SPOCK1: variants seen among roughly 807,000 people sequenced by gnomAD.
SPOCK1 encodes SPARC (osteonectin), cwcv and kazal like domains proteoglycan 1.
Under a neutral mutation model 55.3 loss-of-function variants are expected in SPOCK1, and 23 were observed. The observed-to-expected ratio is 0.42, with a 90% CI of 0.30 to 0.59. The LOEUF (loss-of-function observed/expected upper bound fraction) is 0.59. Ranked by LOEUF, SPOCK1 falls within the 20% of genes least tolerant of loss-of-function variation. SPOCK1 has a pLI of 0.22. For missense variants in SPOCK1, 499 were observed against 552.5 expected (o/e 0.90, Z 0.97); for synonymous variants, 226 against 221.0 (o/e 1.02, Z -0.20).
chr5:137,463,476 T>G (rs996558635), intron 2 of SPOCK1, among the ~76,000 whole-genome samples: 3 of 127,318 alleles, frequency 2.4e-5, no homozygotes, highest in Admixed American at 1.1e-4. Context: ...ACCATTGAAC[T>G]AATGGAGATA....
intron 4 of SPOCK1, among the ~76,000 whole-genome samples, chr5:137,131,248 GAAAGTGATTAAAGAAAAATTA>G (rs1379232217): frequency 1.3e-5 from 2 of 152,212 alleles, no homozygotes; most frequent in African/African-American, 2.4e-5. Context: ...AAAGGAAAAG[GAAAGTGATTAAAGAAAAATTA>G]AAATGAAGTA....
At chr5:137,371,248 C>A (rs1320976470) in intron 2 of SPOCK1, among the ~76,000 whole-genome samples, 3 of 152,234 alleles carry the variant, frequency 2.0e-5, no homozygotes, top group Non-Finnish European at 2.9e-5. Context: ...CACGTCCTGG[C>A]TGCAAGATGT....
intron 2 of SPOCK1, among the ~76,000 whole-genome samples, chr5:137,362,405 C>T (rs1385158828): frequency 1.3e-5 from 2 of 151,074 alleles, no homozygotes; most frequent in African/African-American, 2.4e-5. Context: ...TCTCCACTCA[C>T]GGCAAGCTCC....
intron 3 of SPOCK1, among the ~76,000 whole-genome samples, chr5:137,209,109 AC>A (rs1478103757): frequency 6.6e-6 from 1 of 152,216 alleles, no homozygotes; most frequent in African/African-American, 2.4e-5. Flanking sequence ...AACACACTCA[AC>A]AAATGTTATT....
chr5:137,285,810 A>G (rs1757253134), intron 2 of SPOCK1, among the ~76,000 whole-genome samples: 1 of 152,184 alleles, frequency 6.6e-6, no homozygotes, highest in South Asian at 2.1e-4. Context: ...AGAGGGGAGA[A>G]TACCACATGT....
intron 3 of SPOCK1, among the ~76,000 whole-genome samples, chr5:137,239,671 G>A (rs1756246378): frequency 6.6e-6 from 1 of 151,166 alleles, no homozygotes; most frequent in African/African-American, 2.4e-5. Context: ...TGCTTGGTGT[G>A]GAAAAAAAAA....
chr5:137,258,924 C>T (rs1046048891), intron 3 of SPOCK1, among the ~76,000 whole-genome samples: 2 of 152,104 alleles, frequency 1.3e-5, no homozygotes, highest in African/African-American at 4.8e-5. Flanking sequence ...CCTGAGAGCC[C>T]TTTGTGAAGT....
At chr5:137,221,250 A>G (rs1489721061) in intron 3 of SPOCK1, among the ~76,000 whole-genome samples, 1 of 152,196 alleles carries the variant, frequency 6.6e-6, no homozygotes, top group Non-Finnish European at 1.5e-5. Context: ...AAGGTAAATG[A>G]CCAATGAGTT....
At chr5:137,078,304 G>A (rs971398711) in intron 5 of SPOCK1, among the ~76,000 whole-genome samples, 1 of 152,180 alleles carries the variant, frequency 6.6e-6, no homozygotes, top group Non-Finnish European at 1.5e-5. Context: ...AAATGCCCTC[G>A]AGATGCCTGT....
chr5:137,160,571 TTATATAATA>T (rs1199436942), intron 3 of SPOCK1, among the ~76,000 whole-genome samples: 11 of 53,872 alleles, frequency 2.0e-4, no homozygotes, highest in Admixed American at 1.2e-3. Context: ...ATATTATATA[TTATATAATA>T]TATATAATAT....
At chr5:136,981,853 G>A (rs1481287998) in intron 9 of SPOCK1, among the ~76,000 whole-genome samples, 2 of 152,142 alleles carry the variant, frequency 1.3e-5, no homozygotes, top group Admixed American at 6.5e-5. Context: ...GCTATAATTC[G>A]CCCTTACAGT....
chr5:137,347,365 G>A (rs758005581), intron 2 of SPOCK1, among the ~76,000 whole-genome samples: 7 of 152,090 alleles, frequency 4.6e-5, no homozygotes, highest in Non-Finnish European at 7.3e-5. Context: ...ACACTGCCTG[G>A]AATGTGAGAT....
intron 6 of SPOCK1, among the ~76,000 whole-genome samples, chr5:137,053,237 C>T (rs1437084294): frequency 1.3e-5 from 2 of 152,128 alleles, no homozygotes; most frequent in South Asian, 2.1e-4. Flanking sequence ...AACCAAGGTG[C>T]ACAGGGCGCC....
At chr5:137,094,848 C>T (rs967109471) in intron 5 of SPOCK1, among the ~76,000 whole-genome samples, 1 of 152,236 alleles carries the variant, frequency 6.6e-6, no homozygotes, top group Non-Finnish European at 1.5e-5. Context: ...CTTGGCTTGG[C>T]ACAAGAGGCC....
At chr5:137,370,199 C>T (rs1751169074) in intron 2 of SPOCK1, among the ~76,000 whole-genome samples, 1 of 152,112 alleles carries the variant, frequency 6.6e-6, no homozygotes, top group African/African-American at 2.4e-5. Flanking sequence ...CTCTGCCGAG[C>T]CAGAGCATGA....
At chr5:137,379,401 C>T (rs1751407586) in intron 2 of SPOCK1, among the ~76,000 whole-genome samples, 3 of 151,906 alleles carry the variant, frequency 2.0e-5, no homozygotes, top group Admixed American at 1.3e-4. Context: ...TTTATTTTTA[C>T]CGAAAAGAAA....
At chr5:137,459,003 T>C (rs1316833447) in intron 2 of SPOCK1, among the ~76,000 whole-genome samples, 1 of 152,144 alleles carries the variant, frequency 6.6e-6, no homozygotes, top group Non-Finnish European at 1.5e-5. Context: ...TATCTTACCA[T>C]TTCCCAGTGA....
At chr5:136,989,859 A>G (rs181590791) in intron 7 of SPOCK1, among the ~76,000 whole-genome samples, 5 of 152,120 alleles carry the variant, frequency 3.3e-5, no homozygotes, top group Admixed American at 2.0e-4. Context: ...TTAAGTTTCT[A>G]TGTGAATCAC....
At chr5:137,292,001 C>T (rs997196056) in intron 2 of SPOCK1, among the ~76,000 whole-genome samples, 1 of 152,176 alleles carries the variant, frequency 6.6e-6, no homozygotes, top group African/African-American at 2.4e-5. Context: ...TCTTCCCAGT[C>T]ATGTGATAAA....
Sources: gnomAD v4.1 joint callset for allele counts (sites outside exome capture counted in the v4.1 genomes callset) on GRCh38, gnomAD v4.1.1 for gene constraint, MANE v1.5 for transcripts, NCBI Gene and HGNC (gene_info 2026-07-23, HGNC 2026-07-21) for gene names.